The following RBFOX1 variants were observed in gnomAD, a reference collection of about 807,000 sequenced individuals.
The protein encoded by RBFOX1 is RNA binding protein fox-1 homolog 1.
In RBFOX1, 8 loss-of-function variants were observed where a neutral mutation model predicts 57.7. The observed-to-expected ratio is 0.14, with a 90% CI of 0.08 to 0.25. RBFOX1 has a LOEUF of 0.25. RBFOX1 is among the 10% of genes least tolerant of loss of function. RBFOX1 has a pLI of 1.00. For missense variants in RBFOX1, 611 were observed against 548.5 expected (o/e 1.11, Z -1.14); for synonymous variants, 326 against 222.4 (o/e 1.47, Z -4.15).
chr16:7,189,448 A>G (rs897451906), intron 4 of RBFOX1, among the ~76,000 whole-genome samples: 5 of 143,044 alleles, frequency 3.5e-5, no homozygotes, highest in East Asian at 2.1e-4. Flanking sequence ...AAAAAAAAAA[A>G]GGAATCCTCA....
chr16:6,146,260 A>G (rs1567557841), intron 1 of RBFOX1, among the ~76,000 whole-genome samples: 1 of 152,234 alleles, frequency 6.6e-6, no homozygotes, highest in Non-Finnish European at 1.5e-5. Flanking sequence ...CACAGCAGAT[A>G]GGAATCCACG....
intron 4 of RBFOX1, among the ~76,000 whole-genome samples, chr16:7,307,196 C>T (rs1371254534): frequency 1.3e-5 from 2 of 152,188 alleles, no homozygotes; most frequent in African/African-American, 4.8e-5. Flanking sequence ...CAAACTCTGA[C>T]CACCGGCCAT....
intron 2 of RBFOX1, among the ~76,000 whole-genome samples, chr16:5,597,286 C>G (rs114800875): frequency 6.8e-6 from 1 of 146,260 alleles, no homozygotes; most frequent in African/African-American, 2.5e-5. Context: ...TCTTTCTCTC[C>G]GTTGCTCTCC....
At chr16:7,584,858 T>G (rs2094009644) in intron 6 of RBFOX1, among the ~76,000 whole-genome samples, 1 of 152,182 alleles carries the variant, frequency 6.6e-6, no homozygotes, top group Admixed American at 6.5e-5. Flanking sequence ...TCACCGGCTT[T>G]GAGAACCGTC....
At chr16:7,181,499 C>G (rs1178838715) in intron 4 of RBFOX1, among the ~76,000 whole-genome samples, 1 of 151,746 alleles carries the variant, frequency 6.6e-6, no homozygotes, top group Non-Finnish European at 1.5e-5. Context: ...AAATTCCTTC[C>G]TTCCTTCTTC....
At chr16:6,228,209 C>T (rs761484146) in intron 1 of RBFOX1, among the ~76,000 whole-genome samples, 196 of 151,962 alleles carry the variant, frequency 1.3e-3, no homozygotes, top group African/African-American at 2.7e-3. Flanking sequence ...TACTCGGGGC[C>T]GGGGGAGCAG....
chr16:5,918,004 A>C (rs2058745782), intron 4 of RBFOX1, among the ~76,000 whole-genome samples: 1 of 152,174 alleles, frequency 6.6e-6, no homozygotes, highest in Non-Finnish European at 1.5e-5. Flanking sequence ...TTTAGAGTGC[A>C]GCTTGATCCT....
At chr16:6,166,762 GT>G (rs2096920680) in intron 1 of RBFOX1, among the ~76,000 whole-genome samples, 1 of 151,904 alleles carries the variant, frequency 6.6e-6, no homozygotes, top group Non-Finnish European at 1.5e-5. Flanking sequence ...GCCCAGCCCC[GT>G]GGGGTTTTTG....
chr16:6,859,152 T>TATACGTATAC (rs1491258507), intron 3 of RBFOX1, among the ~76,000 whole-genome samples: 4 of 77,134 alleles, frequency 5.2e-5, no homozygotes, highest in African/African-American at 2.0e-4. Context: ...TATATATATA[T>TATACGTATAC]GTATATATAT....
chr16:6,639,335 G>C (rs889650899), intron 2 of RBFOX1, among the ~76,000 whole-genome samples: 2 of 152,092 alleles, frequency 1.3e-5, no homozygotes, highest in East Asian at 3.9e-4. Context: ...TGTAGTGCTA[G>C]GATCTTTACA....
intron 2 of RBFOX1, among the ~76,000 whole-genome samples, chr16:5,533,640 T>C (rs1469007829): frequency 1.3e-5 from 2 of 152,194 alleles, no homozygotes; most frequent in African/African-American, 2.4e-5. Flanking sequence ...CTGATGAAGA[T>C]TGATTTTAAA....
chr16:5,508,838 T>C lies in RBFOX1; in HGVS notation c.258+41584T>C, dbSNP rs183408232. Among the ~76,000 whole-genome samples the C allele has an allele frequency of 1.6e-3, 242 of 152,322 alleles. 3 individuals are homozygous for C. The highest frequency in any genetic ancestry group is 1.6e-4 in the Non-Finnish European group (11 of 68,022). ...GAGAGCTGACATTGCCTCTGGAATG[T>C]GGTGGGACTGTATTCCTCATGGTCA... On this transcript the variant is annotated intron_variant, in intron 2 of 2. Coordinates refer to the RBFOX1 transcript ENST00000585867.
At chr16:7,542,384 T>G (rs1206976686) in intron 5 of RBFOX1, among the ~76,000 whole-genome samples, 1 of 152,098 alleles carries the variant, frequency 6.6e-6, no homozygotes, top group Non-Finnish European at 1.5e-5. Flanking sequence ...CCACCTCTTC[T>G]GGATTACCCG....
At chr16:6,171,168 T>C (rs553048948) in intron 1 of RBFOX1, among the ~76,000 whole-genome samples, 38 of 152,304 alleles carry the variant, frequency 2.5e-4, no homozygotes, top group African/African-American at 8.4e-4. Flanking sequence ...CAGGATCTCT[T>C]CTTCCCTCTC....
At chr16:6,582,561 G>A (rs768545472) in intron 2 of RBFOX1, among the ~76,000 whole-genome samples, 21 of 149,554 alleles carry the variant, frequency 1.4e-4, no homozygotes, top group Non-Finnish European at 3.1e-4. Flanking sequence ...TATTAATTCT[G>A]GGCCTCCTCA....
intron 2 of RBFOX1, among the ~76,000 whole-genome samples, chr16:5,495,039 C>A (rs528113926): frequency 1.8e-4 from 27 of 152,260 alleles, no homozygotes; most frequent in Admixed American, 3.9e-4. Context: ...AAAAGACATA[C>A]CTCAGACTGG....
intron 3 of RBFOX1, among the ~76,000 whole-genome samples, chr16:6,847,598 G>A (rs1398052100): frequency 6.6e-6 from 1 of 151,952 alleles, no homozygotes; most frequent in Non-Finnish European, 1.5e-5. Flanking sequence ...CATGGCAAAG[G>A]GAGTGAATAC....
At chr16:6,704,968 G>C (rs2062469578) in intron 3 of RBFOX1, 1 of 152,010 alleles carries the variant, frequency 6.6e-6, no homozygotes, top group East Asian at 1.9e-4. Flanking sequence ...TTCTTTATTT[G>C]GGATAATGCT....
In RBFOX1 at chr16:6,554,753, CACACAG is replaced by C. The variant is rs1213484987; in HGVS notation, c.-63-99844_-63-99839del. On this transcript the variant is annotated intron_variant, in intron 2 of 15. Transcript: ENST00000550418. ...ACACACACACACACACACACACACA[CACACAG>C]ACACACACACAAAGGTACACAGACA... Among the ~76,000 whole-genome samples, 400 of 137,232 alleles carry C rather than the reference CACACAG, an allele frequency of 2.9e-3. 2 individuals carry two copies. The highest frequency in any genetic ancestry group is 0.021 in the Middle Eastern group (6 of 284). The allele number at this position is 137,232 out of a possible 152,430, so 90.0% of individuals were successfully genotyped here.
Sources: allele counts gnomAD v4.1 joint callset (sites outside exome capture counted in the v4.1 genomes callset), GRCh38; gene constraint gnomAD v4.1.1; transcripts MANE v1.5; gene names NCBI Gene and HGNC (gene_info 2026-07-23, HGNC 2026-07-21).